The following IFT27 variants were observed in gnomAD, a reference collection of about 807,000 sequenced individuals.
IFT27 encodes the protein intraflagellar transport protein 27 homolog.
Under a neutral mutation model 23.9 loss-of-function variants are expected in IFT27, and 19 were observed. That is an observed-to-expected ratio of 0.79 (90% CI 0.55 to 1.16). The LOEUF is 1.16. IFT27 is among the 50% of genes most tolerant of loss of function. The pLI is 0.00. For synonymous variants in IFT27, 91 were observed against 89.1 expected, an observed-to-expected ratio of 1.02 and a Z score of -0.12; for missense variants, 206 against 228.7, an observed-to-expected ratio of 0.90 and a Z score of 0.64.
At position 36,767,306 on chromosome 22, in the gene IFT27, C is replaced by G; in HGVS notation, c.174G>C (p.Val58=). ...TCCCCTGGGTAAAGGCATCACTCAC[C>G]ACACTGTCTCCCGTGTCAGGAACTG... ...TVPVPDTGDS[V]ELFIFDSAGK... is the part of the protein sequence containing the mutation. The change falls in exon 3 of 7, where the codon GTG becomes GTC. Residue 58 remains valine, a splice_region_variant and synonymous_variant. Transcript: ENST00000433985. 1.9e-6 allele frequency: 3 copies of G among 1,613,564 alleles called. No homozygotes were observed. Among genetic ancestry groups the G allele is most frequent in the Non-Finnish European group, 1.7e-6 (2 of 1,179,638 alleles).
intron 1 of IFT27, among the ~76,000 whole-genome samples, chr22:36,768,738 T>A: frequency 6.6e-6 from 1 of 152,210 alleles, no homozygotes; most frequent in East Asian, 1.9e-4. Context: ...CCTCCCCATT[T>A]TCCCTCTCAT....
chr22:36,775,645 C>A lies in IFT27; in HGVS notation c.34+29G>T, dbSNP rs12167741. 7.8e-4 allele frequency: 1,258 copies of A among 1,613,374 alleles called. 8 individuals are homozygous for A. In the African/African-American group the frequency reaches 0.015, roughly 19 times the overall value. On this transcript the variant is annotated intron_variant, in intron 1 of 6. Transcript: ENST00000433985. ...GAAGGCTCTGGACTCCAGAGACCAC[C>A]GTATTCAAGCGCAAGTTTTCAGACT...
chr22:36,759,322 A>C (rs1938016389), intron 6 of IFT27: 1 of 152,232 alleles, frequency 6.6e-6, no homozygotes, highest in South Asian at 2.1e-4. Context: ...GAATTTTGAC[A>C]ATCACCCAGG....
rs376189927 is a variant in IFT27 at position 36,767,344 on chromosome 22, C to A, written c.136G>T (p.Val46Leu). The change falls in exon 3 of 7, where the codon GTG becomes TTG. Residue 46 changes from valine (V) to leucine (L), a missense_variant. Physicochemically the swap from Val to Leu is conservative, Grantham distance 32 (BLOSUM62 1). Coordinates refer to ENST00000433985, the MANE Select transcript of IFT27 (RefSeq NM_001177701.3). ...YTLTTGMDLV[V>L]KTVPVPDTGD... is the part of the protein sequence containing the mutation. Reference sequence around the variant, plus strand: ...GTGTCAGGAACTGGCACTGTCTTCACCACCAAATCCATTCCTGTTGTCTGC... The same window carrying A: ...GTGTCAGGAACTGGCACTGTCTTCAACACCAAATCCATTCCTGTTGTCTGC... 3.0e-5 allele frequency: 49 copies of A among 1,613,718 alleles called. No homozygotes were observed. In the East Asian group the frequency reaches 3.3e-4, roughly 11 times the overall value.
rs780659194 is a variant in IFT27, at chr22:36,763,918, C to T, written c.352+1G>A. 1.9e-6 allele frequency: 3 copies of T among 1,604,686 alleles called. No homozygotes were observed. Among genetic ancestry groups the T allele is most frequent in the African/African-American group, 1.3e-5 (1 of 74,718 alleles). ...GAAACATGGGTGTCTGCAGCCCGTA[C>T]CTGGGAGAGAGATGCCTGGAGCCTG... On this transcript the variant is annotated splice_donor_variant, in intron 5 of 6. Transcript: ENST00000433985. LOFTEE classifies it high-confidence loss of function.
chr22:36,771,184 G>A (rs1336846598), intron 1 of IFT27, among the ~76,000 whole-genome samples: 3 of 152,054 alleles, frequency 2.0e-5, no homozygotes, highest in Non-Finnish European at 4.4e-5. Context: ...CTGCTTCTGG[G>A]CTGAGAGCCC....
Position 36,765,730 on chromosome 22 carries a change from C to T in IFT27, c.234+408G>A, listed in dbSNP as rs183813075. On this transcript the variant is annotated intron_variant, in intron 4 of 6. Coordinates refer to ENST00000433985, the MANE Select transcript of IFT27 (RefSeq NM_001177701.3). Reference sequence around the variant, plus strand: ...TGTTCCAGAGCAAACCCCAGTGGAACGGCAGAAAGTGAGCCTCGTTATAGG... The same window carrying T: ...TGTTCCAGAGCAAACCCCAGTGGAATGGCAGAAAGTGAGCCTCGTTATAGG... Among the ~76,000 whole-genome samples the T allele has an allele frequency of 3.3e-5, 5 of 152,262 alleles. 1 individual carries two copies. The highest frequency in any genetic ancestry group is 1.3e-4 in the Admixed American group (2 of 15,300).
At chr22:36,766,087 C>T (rs750019047) in intron 4 of IFT27, 51 bp downstream of exon 4, 16 of 1,453,332 alleles carry the variant, frequency 1.1e-5, no homozygotes, top group African/African-American at 2.8e-5. Flanking sequence ...CAGGGGTAAA[C>T]GTTTTGGCAG....
rs1201073636 is a variant in IFT27 at position 36,758,387 on chromosome 22, G to A, written c.485C>T (p.Ala162Val). Residue 162 changes from alanine to valine, a missense_variant, in exon 7 of 7, where the codon GCC (alanine) becomes GTC (valine). Transcript: ENST00000433985. ...TSVKEMENFE[A>V]PFHCLAKQFH... is the part of the protein sequence containing the mutation. ...CTGCTTGGCAAGGCAGTGGAAAGGG[G>A]CTTCGAAGTTTTCCATCTCTTTCTG... The A allele has an allele frequency of 1.3e-5, 21 of 1,614,066 alleles. No individual in the cohort carries two copies. The highest frequency in any genetic ancestry group is 1.4e-5 in the Non-Finnish European group (17 of 1,179,976).
At chr22:36,775,313 C>T (rs1184237323) in intron 1 of IFT27, among the ~76,000 whole-genome samples, 3 of 152,128 alleles carry the variant, frequency 2.0e-5, no homozygotes, top group African/African-American at 7.2e-5. Flanking sequence ...CTTTGGGGTA[C>T]AGTATATGTT....
intron 1 of IFT27, among the ~76,000 whole-genome samples, chr22:36,773,460 TGG>T (rs1204436093): frequency 2.0e-5 from 3 of 151,960 alleles, no homozygotes; most frequent in Non-Finnish European, 4.4e-5. Context: ...AAGACCAGCC[TGG>T]CTAACATGGT....
intron 6 of IFT27, 175 bp from the exon 7 acceptor site, chr22:36,758,584 G>A: frequency 1.7e-6 from 1 of 605,898 alleles, no homozygotes; most frequent in Non-Finnish European, 3.0e-6. Context: ...AACTCAGATG[G>A]AGTCAGGTAA....
In IFT27 at chr22:36,762,970, T is replaced by G. The variant is rs532389779; in HGVS notation, c.396A>C (p.Ala132=). The G allele has an allele frequency of 2.5e-6, 4 of 1,607,130 alleles. No homozygotes were observed. The East Asian group carries it at 9.0e-5, about 36-fold the overall frequency. Residue 132 remains alanine, a synonymous_variant, in exon 6 of 7, where the codon GCA becomes GCC. Transcript: ENST00000433985. ...GNKTDLAGRR[A]VDSAEARAWA... is the part of the protein sequence containing the mutation. Reference sequence around the variant, plus strand: ...ATGCCCGGGCCTCAGCTGAGTCCACTGCTCGTCTGCCGGCCAGGTCTGTCT... The same window carrying G: ...ATGCCCGGGCCTCAGCTGAGTCCACGGCTCGTCTGCCGGCCAGGTCTGTCT...
At position 36,767,368 on chromosome 22, in the gene IFT27, G is replaced by A. The variant is rs1938280513; in HGVS notation, c.115-3C>T. On this transcript the variant is annotated splice_polypyrimidine_tract_variant and splice_region_variant and intron_variant, in intron 2 of 6. Coordinates refer to ENST00000433985, the MANE Select transcript of IFT27 (RefSeq NM_001177701.3). ...ACCACCAAATCCATTCCTGTTGTCT[G>A]CCGAGGAACACCAAGAATGTTAGCA... 6.2e-7 allele frequency: 1 copy of A among 1,611,606 alleles called. No individual in the cohort carries two copies. The highest frequency in any genetic ancestry group is 8.5e-7 in the Non-Finnish European group (1 of 1,178,570).
chr22:36,775,783 C>T lies in IFT27; in HGVS notation c.-76G>A, dbSNP rs1938487837. ...GAGACGCGAGTGGGTGGGCTTCGGG[C>T]CCTGGGCTGGCCTGGGACGGGAAGG... On this transcript the variant is annotated 5_prime_UTR_variant, in exon 1 of 7. Coordinates refer to ENST00000433985, the MANE Select transcript of IFT27 (RefSeq NM_001177701.3). 1 of 1,494,602 alleles carries T rather than the reference C, an allele frequency of 6.7e-7. No homozygotes were observed. Among genetic ancestry groups the T allele is most frequent in the Non-Finnish European group, 9.3e-7 (1 of 1,071,754 alleles). 92.6% of individuals were successfully genotyped at this position (1,494,602 alleles called of 1,614,324 possible). A position where few individuals can be genotyped will look rare whatever the true frequency, so the allele number is the denominator to read the frequency against.
intron 1 of IFT27, chr22:36,768,314 C>T (rs1361070889): frequency 1.7e-5 from 6 of 346,342 alleles, no homozygotes; most frequent in Non-Finnish European, 2.9e-5. Context: ...CACCTGAATA[C>T]TTTTTTGTGT....
rs966939890 is a variant in IFT27, at chr22:36,776,079, C to G, written c.-372G>C. 3.3e-6 allele frequency: 1 copy of G among 307,080 alleles called. No homozygotes were observed. The highest frequency in any genetic ancestry group is 6.3e-6 in the Non-Finnish European group (1 of 159,536). The allele number at this position is 307,080 out of a possible 1,614,324, so 19.0% of individuals were successfully genotyped here. On this transcript the variant is annotated 5_prime_UTR_variant, in exon 1 of 7. Coordinates refer to ENST00000433985, the MANE Select transcript of IFT27 (RefSeq NM_001177701.3). Reference sequence around the variant, plus strand: ...TCCGGCTCTCCTCCGATCACAAGTACCGGGCCGGATGCACTCTCCAAGCAA... The same window carrying G: ...TCCGGCTCTCCTCCGATCACAAGTAGCGGGCCGGATGCACTCTCCAAGCAA...
chr22:36,762,994 C>T lies in IFT27; in HGVS notation c.372G>A (p.Lys124=), dbSNP rs748877774. The part of the protein sequence containing the change: ...ISLPGVLVGN[K]TDLAGRRAVD... ...CTGCTCGTCTGCCGGCCAGGTCTGTCTTGTTCCCAACTAAAACACCTACTC... is the reference window on the plus strand; with the variant it reads ...CTGCTCGTCTGCCGGCCAGGTCTGTTTTGTTCCCAACTAAAACACCTACTC... Residue 124 remains lysine (K), a synonymous_variant, in exon 6 of 7, where the codon AAG becomes AAA. Coordinates refer to ENST00000433985, the MANE Select transcript of IFT27 (RefSeq NM_001177701.3). The T allele has an allele frequency of 6.2e-7, 1 of 1,602,122 alleles. No individual in the cohort carries two copies. Among genetic ancestry groups the T allele is most frequent in the East Asian group, 2.3e-5 (1 of 44,320 alleles).
intron 1 of IFT27, chr22:36,768,430 C>T (rs1043977305): frequency 1.4e-4 from 34 of 244,212 alleles, no homozygotes; most frequent in African/African-American, 7.0e-4. Context: ...CCATCTCCAT[C>T]GCAGAATACC....
Sources: gnomAD v4.1 joint callset for allele counts (sites outside exome capture counted in the v4.1 genomes callset) on GRCh38, gnomAD v4.1.1 for gene constraint, MANE v1.5 for transcripts, NCBI Gene and HGNC (gene_info 2026-07-23, HGNC 2026-07-21) for gene names.